Variants in CBX3 observed in about 807,000 individuals in gnomAD.
CBX3 encodes chromobox protein homolog 3.
In CBX3, 5 loss-of-function variants were observed where a neutral mutation model predicts 22.6. The observed-to-expected ratio is 0.22, with a 90% CI of 0.12 to 0.47. CBX3 has a LOEUF of 0.47. Ranked by LOEUF, CBX3 falls within the 20% of genes least tolerant of loss-of-function variation. The pLI is 0.99. For synonymous variants in CBX3, 50 were observed against 66.6 expected (o/e 0.75, Z 1.21); for missense variants, 83 against 208.1 (o/e 0.40, Z 3.70).
chr7:26,208,950 T>G (rs1270915580), intron 4 of CBX3, among the ~76,000 whole-genome samples: 1 of 130,594 alleles, frequency 7.7e-6, no homozygotes, highest in East Asian at 2.1e-4. Context: ...TTTTTTTTTT[T>G]TCCTGGGAGA....
At chr7:26,208,633 T>G in intron 4 of CBX3, 78 bp downstream of exon 4, 1 of 1,382,046 alleles carries the variant, frequency 7.2e-7, no homozygotes, top group Non-Finnish European at 1.0e-6. Context: ...TTTGTTTGTT[T>G]TTTTGAGATG....
rs1204963789 is a variant in CBX3 at position 26,213,146 on chromosome 7, C to CT, written c.*942dup. 2 of 152,650 alleles carry CT rather than the reference C, an allele frequency of 1.3e-5. No individual in the cohort carries two copies. Among genetic ancestry groups the CT allele is most frequent in the African/African-American group, 4.8e-5 (2 of 41,474 alleles). 9.5% of individuals were successfully genotyped at this position (152,650 alleles called of 1,614,324 possible). A position where few individuals can be genotyped will look rare whatever the true frequency, so the allele number is the denominator to read the frequency against. On this transcript the variant is annotated 3_prime_UTR_variant, in exon 6 of 6. Transcript: ENST00000396386. ...CTGCTGTCATAAATGTGTGAACAACCTTTTGTAACCTAACCTATTGACCTG... is the reference window on the plus strand; with the variant it reads ...CTGCTGTCATAAATGTGTGAACAACCTTTTTGTAACCTAACCTATTGACCTG...
chr7:26,204,601 T>C (rs1784633097), intron 2 of CBX3, among the ~76,000 whole-genome samples: 1 of 152,226 alleles, frequency 6.6e-6, no homozygotes, highest in Non-Finnish European at 1.5e-5. Context: ...TAGCTTGAAA[T>C]GCCCTTTTGC....
intron 5 of CBX3, 115 bp from the exon 6 acceptor site, chr7:26,211,967 C>T (rs571680493): frequency 2.0e-6 from 2 of 988,808 alleles, no homozygotes; most frequent in African/African-American, 3.3e-5. Flanking sequence ...AGTAACATAA[C>T]TCTCCTGGAG....
At chr7:26,207,767 C>T (rs1784712082) in intron 3 of CBX3, among the ~76,000 whole-genome samples, 3 of 152,034 alleles carry the variant, frequency 2.0e-5, no homozygotes, top group South Asian at 4.2e-4. Context: ...ATCCACCTGC[C>T]TTGGCCTCCC....
intron 2 of CBX3, among the ~76,000 whole-genome samples, chr7:26,204,029 C>T (rs1021582390): frequency 2.0e-5 from 3 of 152,126 alleles, no homozygotes; most frequent in Admixed American, 2.0e-4. Flanking sequence ...CTTAACTTTC[C>T]ATTTTAAAAA....
In CBX3 at chr7:26,212,300, C is replaced by A. The variant is rs184267440; in HGVS notation, c.*92C>A. The A allele has an allele frequency of 3.1e-3, 2,454 of 796,850 alleles. 3 individuals are homozygous for A. Among genetic ancestry groups the A allele is most frequent in the Middle Eastern group, 0.016 (30 of 1,904 alleles). 49.4% of individuals were successfully genotyped at this position (796,850 alleles called of 1,614,324 possible). A position where few individuals can be genotyped will look rare whatever the true frequency, so the allele number is the denominator to read the frequency against. On this transcript the variant is annotated 3_prime_UTR_variant, in exon 6 of 6. Transcript: ENST00000396386. ...TACTAGTGTGACAAAATAACTACAT[C>A]CTAATGAAAATCAAGTTTGATATGT...
intron 2 of CBX3, among the ~76,000 whole-genome samples, chr7:26,204,825 T>C (rs978197451): frequency 6.6e-6 from 1 of 152,182 alleles, no homozygotes; most frequent in Non-Finnish European, 1.5e-5. Context: ...GTTTTTCTCT[T>C]GTTGTCCAGG....
chr7:26,204,383 C>T (rs1007324335), intron 2 of CBX3, among the ~76,000 whole-genome samples: 1 of 152,124 alleles, frequency 6.6e-6, no homozygotes, highest in Non-Finnish European at 1.5e-5. Context: ...TACAGTTTGT[C>T]TTTGCTCCTC....
At chr7:26,205,459 T>C (rs1262662480) in intron 2 of CBX3, among the ~76,000 whole-genome samples, 1 of 152,236 alleles carries the variant, frequency 6.6e-6, no homozygotes, top group Non-Finnish European at 1.5e-5. Flanking sequence ...GTAGGAAATA[T>C]TATCTACAGA....
At chr7:26,209,267 A>G (rs1230381612) in intron 4 of CBX3, among the ~76,000 whole-genome samples, 1 of 152,118 alleles carries the variant, frequency 6.6e-6, no homozygotes, top group African/African-American at 2.4e-5. Flanking sequence ...TCTTAATCGT[A>G]TTTTAAATAT....
chr7:26,211,803 T>C lies in CBX3; in HGVS notation c.425+47T>C, dbSNP rs368955032. On this transcript the variant is annotated intron_variant, in intron 5 of 5. Transcript: ENST00000396386. ...CATTTGAAAGTAAGAGTAGCTTTTTTTTTTTAATTTGTGAAATGGTTTTTC... is the reference window on the plus strand; with the variant it reads ...CATTTGAAAGTAAGAGTAGCTTTTTCTTTTTAATTTGTGAAATGGTTTTTC... 8.8e-5 allele frequency: 120 copies of C among 1,364,052 alleles called. No individual in the cohort carries two copies. In the African/African-American group the frequency reaches 1.6e-3, roughly 18 times the overall value. The allele number at this position is 1,364,052 out of a possible 1,614,324, so 84.5% of individuals were successfully genotyped here.
At chr7:26,203,392 T>A (rs1201935156) in intron 2 of CBX3, among the ~76,000 whole-genome samples, 1 of 152,180 alleles carries the variant, frequency 6.6e-6, no homozygotes, top group Non-Finnish European at 1.5e-5. Flanking sequence ...TCTGGAGAAG[T>A]ATTTTCATTA....
At chr7:26,205,633 T>G (rs1784658412) in intron 2 of CBX3, among the ~76,000 whole-genome samples, 1 of 152,168 alleles carries the variant, frequency 6.6e-6, no homozygotes, top group African/African-American at 2.4e-5. Context: ...AGAAGGGGGC[T>G]GGGGCTTTTA....
chr7:26,210,364 T>G (rs1784775583), intron 4 of CBX3: 1 of 152,240 alleles, frequency 6.6e-6, no homozygotes, highest in South Asian at 2.1e-4. Flanking sequence ...TGCTATACTG[T>G]GTGCCAAATT....
chr7:26,211,319 T>A (rs1412623865), intron 4 of CBX3, among the ~76,000 whole-genome samples: 1 of 152,216 alleles, frequency 6.6e-6, no homozygotes, highest in East Asian at 1.9e-4. Context: ...TTCCTGGAAG[T>A]CATTTGAAAT....
chr7:26,207,644 G>A (rs1422756098), intron 3 of CBX3, among the ~76,000 whole-genome samples: 1 of 151,930 alleles, frequency 6.6e-6, no homozygotes, highest in Non-Finnish European at 1.5e-5. Context: ...TCAGCCTCCT[G>A]AGTAGCTGGG....
At chr7:26,206,678 C>G (rs2128137434) in intron 3 of CBX3, among the ~76,000 whole-genome samples, 168 bp downstream of exon 3, 1 of 152,264 alleles carries the variant, frequency 6.6e-6, no homozygotes, top group Non-Finnish European at 1.5e-5. Flanking sequence ...AGAACCAAGA[C>G]TTTATTGTAC....
chr7:26,202,845 T>G, intron 1 of CBX3, 126 bp from the exon 2 acceptor site: 1 of 722,962 alleles, frequency 1.4e-6, no homozygotes. Context: ...GCAGATCTAC[T>G]CTGGATTTGT....
Sources: gnomAD v4.1 joint callset for allele counts (sites outside exome capture counted in the v4.1 genomes callset) on GRCh38, gnomAD v4.1.1 for gene constraint, MANE v1.5 for transcripts, NCBI Gene and HGNC (gene_info 2026-07-23, HGNC 2026-07-21) for gene names.